AKAP13: variants seen among roughly 807,000 people sequenced by gnomAD.
AKAP13 encodes the protein A-kinase anchor protein 13.
A neutral mutation model predicts 264.5 loss-of-function variants in AKAP13; 80 were observed. The observed-to-expected ratio is 0.30, with a 90% CI of 0.25 to 0.36. The LOEUF (loss-of-function observed/expected upper bound fraction) is 0.36. AKAP13 is among the 10% of genes least tolerant of loss of function. AKAP13 has a pLI of 1.00. For missense variants in AKAP13, 3,712 were observed against 3,435.2 expected, an observed-to-expected ratio of 1.08 and a Z score of -2.01; for synonymous variants, 1,380 against 1,250.2, an observed-to-expected ratio of 1.10 and a Z score of -2.19.
intron 13 of AKAP13, among the ~76,000 whole-genome samples, chr15:85,665,014 A>G (rs2083510507): frequency 6.6e-6 from 1 of 152,046 alleles, no homozygotes; most frequent in Non-Finnish European, 1.5e-5. Context: ...CAGCCTGGGC[A>G]ACATAGCAAG....
chr15:85,683,513 T>G (rs1424256715), intron 15 of AKAP13: 1 of 152,298 alleles, frequency 6.6e-6, no homozygotes, highest in Non-Finnish European at 1.5e-5. Context: ...TCACCCAGGC[T>G]GGAGTGCACT....
chr15:85,442,478 TATA>T lies in AKAP13; in HGVS notation c.-11-43228_-11-43226del, dbSNP rs1185876294. Among the ~76,000 whole-genome samples the T allele has an allele frequency of 3.5e-3, 432 of 121,760 alleles. 5 individuals carry two copies. The highest frequency in any genetic ancestry group is 0.01 in the African/African-American group (328 of 32,340). 79.9% of individuals were successfully genotyped at this position (121,760 alleles called of 152,430 possible). A position where few individuals can be genotyped will look rare whatever the true frequency, so the allele number is the denominator to read the frequency against. On this transcript the variant is annotated intron_variant, in intron 1 of 36. Transcript: ENST00000394518. ...TATATAATATACATAATATATATTA[TATA>T]ATATATATAATATATATTATATTAT...
At position 85,725,441 on chromosome 15, in the gene AKAP13, C is replaced by T. The variant is rs471073; in HGVS notation, c.6746-969C>T. On this transcript the variant is annotated intron_variant, in intron 26 of 36. Transcript: ENST00000394518. ...TTAAAAGTAAACTTTAAAAAAAAAA[C>T]TTTTTCATAACTGATGGCAGTACAC... is the stretch of plus-strand genomic sequence containing the variant. Among the ~76,000 whole-genome samples, 38 of 151,560 alleles carry T rather than the reference C, an allele frequency of 2.5e-4. 1 individual carries two copies. The highest frequency in any genetic ancestry group is 1.3e-3 in the South Asian group (6 of 4,800).
At chr15:85,737,547 C>T (rs2088632668) in intron 33 of AKAP13, among the ~76,000 whole-genome samples, 1 of 152,052 alleles carries the variant, frequency 6.6e-6, no homozygotes, top group African/African-American at 2.4e-5. Context: ...GGAATCTTTC[C>T]TTTTTCCCCC....
At chr15:85,501,256 C>G (rs112578035) in intron 2 of AKAP13, among the ~76,000 whole-genome samples, 3 of 152,332 alleles carry the variant, frequency 2.0e-5, no homozygotes, top group Admixed American at 6.5e-5. Flanking sequence ...GTATTTCTTA[C>G]AGCCAGTATT....
chr15:85,448,234 TG>T (rs760159912), intron 1 of AKAP13, among the ~76,000 whole-genome samples: 9 of 152,062 alleles, frequency 5.9e-5, no homozygotes, highest in Admixed American at 2.6e-4. Context: ...GTTTTTCTTT[TG>T]TAATTTAAGT....
intron 1 of AKAP13, among the ~76,000 whole-genome samples, chr15:85,410,177 G>A (rs367914732): frequency 1.3e-5 from 2 of 151,024 alleles, no homozygotes; most frequent in Non-Finnish European, 2.9e-5. Flanking sequence ...TGGCCCTCAG[G>A]TGTGGTTATT....
Position 85,727,483 on chromosome 15 carries a change from C to A in AKAP13, c.7087+20C>A. 1 of 1,613,044 alleles carries A rather than the reference C, an allele frequency of 6.2e-7. No individual in the cohort carries two copies. The highest frequency in any genetic ancestry group is 1.1e-5 in the South Asian group (1 of 91,002). On this transcript the variant is annotated intron_variant, in intron 29 of 36. Coordinates refer to ENST00000394518, the MANE Select transcript of AKAP13 (RefSeq NM_007200.5). The surrounding 1 kb of genome is among the most constrained non-coding windows in gnomAD (Gnocchi z 5.3). ...TAAAAGGTGAGGCATTGCGAGTGGT[C>A]TGAGCCCCTTGTCTGGAATGTCTGC...
intron 5 of AKAP13, among the ~76,000 whole-genome samples, chr15:85,565,945 A>G (rs1311013116): frequency 1.3e-5 from 2 of 152,190 alleles, no homozygotes; most frequent in Non-Finnish European, 2.9e-5. Context: ...GCAGCTCTGT[A>G]TAAAGCCTCT....
chr15:85,442,186 C>T (rs563981941), intron 1 of AKAP13, among the ~76,000 whole-genome samples: 4 of 151,144 alleles, frequency 2.6e-5, no homozygotes, highest in African/African-American at 7.3e-5. Flanking sequence ...CTGAGGTGGG[C>T]GGATCACGAG....
chr15:85,488,329 G>C (rs999140204), intron 2 of AKAP13, among the ~76,000 whole-genome samples: 1 of 152,160 alleles, frequency 6.6e-6, no homozygotes. Flanking sequence ...GATTTGTTTT[G>C]AAAGTATTTT....
chr15:85,650,361 T>C (rs1177130135), intron 10 of AKAP13, among the ~76,000 whole-genome samples: 1 of 151,954 alleles, frequency 6.6e-6, no homozygotes, highest in African/African-American at 2.4e-5. Context: ...AGCCTTGAAG[T>C]TCAAGGCTGC....
intron 1 of AKAP13, among the ~76,000 whole-genome samples, chr15:85,390,575 A>AG (rs200766422): frequency 7.1e-4 from 49 of 69,164 alleles, no homozygotes; most frequent in Non-Finnish European, 1.5e-3. Flanking sequence ...AGGCATGACA[A>AG]GGTTGATTTA....
chr15:85,516,707 A>G (rs759970616), intron 2 of AKAP13, among the ~76,000 whole-genome samples: 9 of 152,160 alleles, frequency 5.9e-5, no homozygotes, highest in Admixed American at 1.3e-4. Context: ...CTGGTTAAAA[A>G]GAAAAAAAGA....
At chr15:85,521,289 A>G in intron 2 of AKAP13, 139 bp from the exon 3 acceptor site, 3 of 991,552 alleles carry the variant, frequency 3.0e-6, no homozygotes, top group Non-Finnish European at 1.5e-6. Context: ...CTCAATCTTT[A>G]TACTTGTTTC....
chr15:85,698,057 G>A (rs1487829810), intron 17 of AKAP13, among the ~76,000 whole-genome samples: 3 of 152,060 alleles, frequency 2.0e-5, no homozygotes, highest in South Asian at 2.1e-4. Context: ...ATGATCCTTC[G>A]TACTTATTTA....
rs530972113 is a variant in AKAP13, at chr15:85,727,681, G to A, written c.7087+218G>A. Among the ~76,000 whole-genome samples the A allele has an allele frequency of 6.6e-6, 1 of 152,268 alleles. No individual in the cohort carries two copies. Among genetic ancestry groups the A allele is most frequent in the East Asian group, 1.9e-4 (1 of 5,184 alleles). ...TGGCTGCAAGGATGTTTCCAGTACTGGATCAAGAGAATATTGATTCTCTTG... is the reference window on the plus strand; with the variant it reads ...TGGCTGCAAGGATGTTTCCAGTACTAGATCAAGAGAATATTGATTCTCTTG... On this transcript the variant is annotated intron_variant, in intron 29 of 36. Coordinates refer to ENST00000394518, the MANE Select transcript of AKAP13 (RefSeq NM_007200.5). The surrounding 1 kb of genome is among the most constrained non-coding windows in gnomAD (Gnocchi z 5.3).
At chr15:85,395,773 T>C (rs2071080063) in intron 1 of AKAP13, among the ~76,000 whole-genome samples, 1 of 152,126 alleles carries the variant, frequency 6.6e-6, no homozygotes, top group African/African-American at 2.4e-5. Flanking sequence ...TTCCGTATTG[T>C]CTTTGCCCAG....
Position 85,716,534 on chromosome 15 carries a change from C to T in AKAP13, c.5735+611C>T, listed in dbSNP as rs903148684. Among the ~76,000 whole-genome samples, 21 of 152,148 alleles carry T rather than the reference C, an allele frequency of 1.4e-4. 1 individual carries two copies. Among genetic ancestry groups the T allele is most frequent in the South Asian group, 4.1e-4 (2 of 4,834 alleles). On this transcript the variant is annotated intron_variant, in intron 20 of 36. Transcript: ENST00000394518. ...ATTTTGGGTAAGATGCCTGCCTTCC[C>T]GTCGGGTGAATAAGCCATTTCAAAT...
Sources: gnomAD v4.1 joint callset for allele counts (sites outside exome capture counted in the v4.1 genomes callset) on GRCh38, gnomAD v4.1.1 for gene constraint, Gnocchi (gnomAD v3.1) non-coding constraint, MANE v1.5 for transcripts, NCBI Gene and HGNC (gene_info 2026-07-23, HGNC 2026-07-21) for gene names.